The following NEK11 variants were observed in gnomAD, a reference collection of about 807,000 sequenced individuals.
The protein encoded by NEK11 is serine/threonine-protein kinase Nek11.
In NEK11, 72 loss-of-function variants were observed where a neutral mutation model predicts 80.7. The ratio of observed to expected loss-of-function variants is 0.89; its 90% confidence interval spans 0.74 to 1.08. The LOEUF (loss-of-function observed/expected upper bound fraction) is 1.08. Ranked by LOEUF, NEK11 falls within the 50% of genes least tolerant of loss-of-function variation. The probability of loss-of-function intolerance (pLI) is 0.00; values close to 1 mark genes in which losing one functional copy is unlikely to be tolerated. For missense variants in NEK11, 764 were observed against 763.6 expected (o/e 1.00, Z -0.01); for synonymous variants, 251 against 260.7 (o/e 0.96, Z 0.36).
At chr3:131,133,538 T>C (rs771925454) in intron 6 of NEK11, among the ~76,000 whole-genome samples, 3 of 152,174 alleles carry the variant, frequency 2.0e-5, no homozygotes, top group Non-Finnish European at 4.4e-5. Flanking sequence ...TATTCAGACT[T>C]TAAATAGCTT....
chr3:131,071,273 A>G (rs7622873), intron 3 of NEK11, among the ~76,000 whole-genome samples: 26,630 of 152,114 alleles, frequency 0.18, 2,438 homozygotes, highest in Non-Finnish European at 0.21. Flanking sequence ...TTTATCTCCT[A>G]TCACTAGAGA....
At chr3:131,196,512 T>C (rs1175200976) in intron 14 of NEK11, among the ~76,000 whole-genome samples, 2 of 152,012 alleles carry the variant, frequency 1.3e-5, no homozygotes, top group Non-Finnish European at 2.9e-5. Flanking sequence ...ATTGCCTATT[T>C]AAAAATGCGA....
At chr3:131,147,642 G>A (rs2149761770) in intron 7 of NEK11, among the ~76,000 whole-genome samples, 2 of 151,996 alleles carry the variant, frequency 1.3e-5, no homozygotes, top group East Asian at 1.9e-4. Context: ...ATTTTGGTTG[G>A]TATTTCATGG....
At chr3:131,215,375 A>G (rs2094797218) in intron 14 of NEK11, among the ~76,000 whole-genome samples, 1 of 152,100 alleles carries the variant, frequency 6.6e-6, no homozygotes, top group Non-Finnish European at 1.5e-5. Context: ...ATACATATGT[A>G]ACAGACCTGC....
At chr3:131,057,608 TG>T (rs926336621) in intron 3 of NEK11, among the ~76,000 whole-genome samples, 23 of 152,196 alleles carry the variant, frequency 1.5e-4, no homozygotes, top group African/African-American at 5.6e-4. Flanking sequence ...TATCTAATTG[TG>T]GTTTTGATTT....
chr3:131,335,164 C>A (rs1442499415), intron 17 of NEK11, among the ~76,000 whole-genome samples: 1 of 151,884 alleles, frequency 6.6e-6, no homozygotes, highest in Non-Finnish European at 1.5e-5. Context: ...GAGACACAAC[C>A]AAAAAAGAGA....
Position 131,203,767 on chromosome 3 carries a change from GTATATATATATATA to G in NEK11, c.1400-24714_1400-24701del, listed in dbSNP as rs150951735. 9.2e-3 allele frequency among the ~76,000 whole-genome samples: 494 copies of G among 53,890 alleles called. 4 individuals are homozygous for G. Among genetic ancestry groups the G allele is most frequent in the South Asian group, 0.019 (21 of 1,114 alleles). The allele number at this position is 53,890 out of a possible 152,430, so 35.4% of individuals were successfully genotyped here. A position where few individuals can be genotyped will look rare whatever the true frequency, so the allele number is the denominator to read the frequency against. ...TATATATGTGTGTGTGTGTGTGTGT[GTATATATATATATA>G]TATATATATATATATATATATATAT... On this transcript the variant is annotated intron_variant, in intron 14 of 17. Transcript: ENST00000383366.
At chr3:131,089,232 C>T (rs998501178) in intron 4 of NEK11, among the ~76,000 whole-genome samples, 1 of 152,094 alleles carries the variant, frequency 6.6e-6, no homozygotes, top group Admixed American at 6.5e-5. Flanking sequence ...AATACAGATT[C>T]CTTGGGTCTA....
At chr3:131,055,294 A>G (rs2069247142) in intron 3 of NEK11, among the ~76,000 whole-genome samples, 1 of 152,256 alleles carries the variant, frequency 6.6e-6, no homozygotes, top group African/African-American at 2.4e-5. Flanking sequence ...GTCAATGGAT[A>G]GATTGCTGAC....
intron 17 of NEK11, among the ~76,000 whole-genome samples, chr3:131,316,421 G>A (rs1239032585): frequency 2.6e-5 from 4 of 152,104 alleles, no homozygotes; most frequent in Non-Finnish European, 5.9e-5. Context: ...CCTATTTCTC[G>A]AATGCAAGTG....
At chr3:131,161,090 G>A (rs1332079085) in intron 10 of NEK11, among the ~76,000 whole-genome samples, 1 of 151,398 alleles carries the variant, frequency 6.6e-6, no homozygotes, top group Non-Finnish European at 1.5e-5. Context: ...GGCTGAGGTT[G>A]GAGTGAGCCG....
chr3:131,112,741 C>T (rs1312104117), intron 5 of NEK11, among the ~76,000 whole-genome samples: 1 of 152,118 alleles, frequency 6.6e-6, no homozygotes, highest in Non-Finnish European at 1.5e-5. Flanking sequence ...TGGGTCAGAG[C>T]TTTCCAGATA....
intron 3 of NEK11, among the ~76,000 whole-genome samples, chr3:131,066,356 C>T (rs570030147): frequency 1.3e-5 from 2 of 152,146 alleles, no homozygotes; most frequent in East Asian, 3.9e-4. Context: ...TGTACATGTG[C>T]CTTGGGGACA....
At chr3:131,036,725 T>TC (rs2065704481) in intron 3 of NEK11, among the ~76,000 whole-genome samples, 1 of 152,144 alleles carries the variant, frequency 6.6e-6, no homozygotes, top group African/African-American at 2.4e-5. Flanking sequence ...ATTGCTTGGC[T>TC]CCCCCCTACC....
At chr3:131,268,627 G>A (rs2096113172) in intron 16 of NEK11, among the ~76,000 whole-genome samples, 3 of 152,222 alleles carry the variant, frequency 2.0e-5, no homozygotes. Context: ...ATTGCTGCCT[G>A]TTCCTTCCTC....
intron 7 of NEK11, among the ~76,000 whole-genome samples, chr3:131,134,702 G>T (rs1007567750): frequency 6.6e-6 from 1 of 152,088 alleles, no homozygotes; most frequent in Non-Finnish European, 1.5e-5. Flanking sequence ...CCCAGACTAG[G>T]ATAAACTAAA....
chr3:131,029,805 CA>C lies in NEK11; in HGVS notation c.102del (p.Lys34AsnfsTer24). 6.2e-7 allele frequency: 1 copy of C among 1,614,200 alleles called. No homozygotes were observed. The highest frequency in any genetic ancestry group is 8.5e-7 in the Non-Finnish European group (1 of 1,180,014). ...GATTGCAAGAAGATACGTGCTTCAACAAAAACTTGGCAGTGGAAGTTTTGGA... is the reference window on the plus strand; with the variant it reads ...GATTGCAAGAAGATACGTGCTTCAACAAAACTTGGCAGTGGAAGTTTTGGA... Reference protein sequence around the residue: ...TLIARRYVLQQKLGSGSFGTV... With the variant: ...TLIARRYVLQXKLGSGSFGTV... On this transcript the variant is annotated frameshift_variant, in exon 3 of 18. Coordinates refer to ENST00000383366, the MANE Select transcript of NEK11 (RefSeq NM_024800.5). LOFTEE classifies it high-confidence loss of function.
At chr3:131,254,925 C>G (rs1183325275) in intron 16 of NEK11, among the ~76,000 whole-genome samples, 4 of 151,870 alleles carry the variant, frequency 2.6e-5, no homozygotes, top group Non-Finnish European at 4.4e-5. Flanking sequence ...AAGGCTGAGG[C>G]AGGAGAATCG....
intron 17 of NEK11, among the ~76,000 whole-genome samples, chr3:131,308,227 T>G (rs2096741653): frequency 6.6e-6 from 1 of 152,218 alleles, no homozygotes; most frequent in Non-Finnish European, 1.5e-5. Context: ...TAGCATCCAT[T>G]AGTAACTCAA....
Sources: allele counts gnomAD v4.1 joint callset (sites outside exome capture counted in the v4.1 genomes callset), GRCh38; gene constraint gnomAD v4.1.1; transcripts MANE v1.5; gene names NCBI Gene and HGNC (gene_info 2026-07-23, HGNC 2026-07-21).